ATCAY: variants seen among roughly 807,000 people sequenced by gnomAD.
The protein encoded by ATCAY is caytaxin.
A neutral mutation model predicts 47.7 loss-of-function variants in ATCAY; 22 were observed. That is an observed-to-expected ratio of 0.46 (90% CI 0.33 to 0.66). The LOEUF (loss-of-function observed/expected upper bound fraction) is 0.66, where lower values mean the gene tolerates loss of function less well. ATCAY is among the 30% of genes least tolerant of loss of function. ATCAY has a pLI of 0.02. For synonymous variants in ATCAY, 216 were observed against 207.6 expected, an observed-to-expected ratio of 1.04 and a Z score of -0.35; for missense variants, 452 against 515.0, an observed-to-expected ratio of 0.88 and a Z score of 1.18.
At chr19:3,917,877 C>T in intron 10 of ATCAY, 100 bp downstream of exon 10, 1 of 1,371,810 alleles carries the variant, frequency 7.3e-7, no homozygotes, top group Non-Finnish European at 1.0e-6. Context: ...GCAGCAGGGA[C>T]CATTGTCCTG....
intron 9 of ATCAY, among the ~76,000 whole-genome samples, chr19:3,914,276 T>C (rs2038948159): frequency 7.1e-6 from 1 of 140,524 alleles, no homozygotes; most frequent in African/African-American, 2.7e-5. Context: ...CAATTCCATG[T>C]GGCTGGCAAC....
chr19:3,918,814 C>A lies in ATCAY; in HGVS notation c.1010C>A (p.Pro337His). The change falls in exon 11 of 13, where the codon CCC (proline) becomes CAC (histidine). Residue 337 changes from proline (P) to histidine (H), a missense_variant. Physicochemically the swap from Pro to His is moderately conservative, Grantham distance 77 (BLOSUM62 -2). Coordinates refer to ENST00000450849, the MANE Select transcript of ATCAY (RefSeq NM_033064.5). ...GTTCTCTCTGTCCACAGCGCGAGGCCCCAGCCGGAGTTTGTGCTGCCCAGG... is the reference window on the plus strand; with the variant it reads ...GTTCTCTCTGTCCACAGCGCGAGGCACCAGCCGGAGTTTGTGCTGCCCAGG... Reference protein sequence around the residue: ...RLKARRESARPQPEFVLPRSE... With the variant: ...RLKARRESARHQPEFVLPRSE... The A allele has an allele frequency of 6.2e-7, 1 of 1,613,956 alleles. No individual in the cohort carries two copies. The highest frequency in any genetic ancestry group is 2.2e-5 in the East Asian group (1 of 44,870).
At position 3,907,580 on chromosome 19, in the gene ATCAY, GA is replaced by G. The variant is rs1226810801; in HGVS notation, c.359-150del. Among the ~76,000 whole-genome samples the G allele has an allele frequency of 6.6e-6, 1 of 152,222 alleles. No individual in the cohort carries two copies. The highest frequency in any genetic ancestry group is 2.4e-5 in the African/African-American group (1 of 41,466). ...AGGCCTTGAAAGGGGAGTAGGAGAG[GA>G]AAATGGGTCAGCAGGGCAGCCAGGT... On this transcript the variant is annotated intron_variant, in intron 4 of 12. Coordinates refer to ENST00000450849, the MANE Select transcript of ATCAY (RefSeq NM_033064.5). This position sits in a 1 kb window ranked among gnomAD's most constrained non-coding sequence, Gnocchi z 5.1.
intron 2 of ATCAY, among the ~76,000 whole-genome samples, chr19:3,894,439 G>T (rs1461617650): frequency 6.8e-6 from 1 of 147,058 alleles, no homozygotes; most frequent in African/African-American, 2.5e-5. Context: ...ACCTGAGATC[G>T]CGCCACTGCA....
intron 8 of ATCAY, among the ~76,000 whole-genome samples, chr19:3,913,380 A>C (rs2038938985): frequency 1.3e-5 from 2 of 152,162 alleles, no homozygotes; most frequent in South Asian, 4.1e-4. Flanking sequence ...GTGCGGTGAC[A>C]TGGAGAGAAA....
chr19:3,906,253 A>G (rs2038859996), intron 4 of ATCAY, among the ~76,000 whole-genome samples: 1 of 151,506 alleles, frequency 6.6e-6, no homozygotes, highest in Admixed American at 6.6e-5. Flanking sequence ...CTATTGTTCG[A>G]TAGCAGAATA....
At chr19:3,905,753 G>A in intron 4 of ATCAY, 98 bp downstream of exon 4, 2 of 1,145,364 alleles carry the variant, frequency 1.7e-6, no homozygotes, top group Non-Finnish European at 2.5e-6. Context: ...TCACAAGTGG[G>A]GCAGGGGCTC....
chr19:3,922,049 A>G (rs2039025680), intron 12 of ATCAY: 1 of 660,690 alleles, frequency 1.5e-6, no homozygotes, highest in Non-Finnish European at 2.7e-6. Flanking sequence ...GTGTGGCAAA[A>G]CACACAAAGT....
In ATCAY at chr19:3,924,634, A is replaced by G; in HGVS notation, c.*42A>G. On this transcript the variant is annotated 3_prime_UTR_variant, in exon 13 of 13. Coordinates refer to ENST00000450849, the MANE Select transcript of ATCAY (RefSeq NM_033064.5). ...CAAAGGACATGGAAGAAGATTCCAG[A>G]TGCCAGAAAACCTCTGTCAGACGCC... 1 of 1,612,256 alleles carries G rather than the reference A, an allele frequency of 6.2e-7. No individual in the cohort carries two copies. Among genetic ancestry groups the G allele is most frequent in the South Asian group, 1.1e-5 (1 of 90,866 alleles).
At chr19:3,904,740 A>T (rs2038845445) in intron 3 of ATCAY, among the ~76,000 whole-genome samples, 2 of 152,204 alleles carry the variant, frequency 1.3e-5, no homozygotes, top group Non-Finnish European at 2.9e-5. Flanking sequence ...AGGTGGCCTG[A>T]CATCGTTACA....
At chr19:3,886,845 C>T (rs1470245004) in intron 2 of ATCAY, among the ~76,000 whole-genome samples, 1 of 151,244 alleles carries the variant, frequency 6.6e-6, no homozygotes, top group African/African-American at 2.4e-5. Context: ...CCCCGAGTAG[C>T]TTGGATTACA....
chr19:3,914,995 G>A (rs927021045), intron 9 of ATCAY, among the ~76,000 whole-genome samples: 1 of 139,950 alleles, frequency 7.1e-6, no homozygotes, highest in African/African-American at 2.6e-5. Flanking sequence ...GGGACCCCCC[G>A]GAGCTTGGGG....
Position 3,902,504 on chromosome 19 carries a change from C to A in ATCAY, c.95C>A (p.Thr32Lys). ...GTCCGCAGGCCACTCCCAGAAGAGA[C>A]GGGGGTGGAACTGCTTGGCAGCCCG... ...EDLPRPLPEE[T>K]GVELLGSPVE... Residue 32 changes from threonine to lysine, a missense_variant, in exon 3 of 13, where the codon ACG becomes AAG. Physicochemically the swap from Thr to Lys is moderately conservative, Grantham distance 78. Coordinates refer to ENST00000450849, the MANE Select transcript of ATCAY (RefSeq NM_033064.5). 1 of 1,580,028 alleles carries A rather than the reference C, an allele frequency of 6.3e-7. No homozygotes were observed. The highest frequency in any genetic ancestry group is 1.2e-5 in the South Asian group (1 of 86,084).
intron 2 of ATCAY, among the ~76,000 whole-genome samples, chr19:3,894,274 G>A (rs2038745183): frequency 6.6e-6 from 1 of 151,974 alleles, no homozygotes; most frequent in Non-Finnish European, 1.5e-5. Context: ...CACGAGGTCA[G>A]GAGATCGAGA....
intron 2 of ATCAY, among the ~76,000 whole-genome samples, chr19:3,888,375 G>A (rs1362758750): frequency 1.3e-5 from 2 of 152,072 alleles, no homozygotes; most frequent in South Asian, 2.1e-4. Context: ...CACGTCTGCA[G>A]TCCCAACAGT....
At chr19:3,916,589 G>A (rs1203694018) in intron 9 of ATCAY, among the ~76,000 whole-genome samples, 1 of 152,178 alleles carries the variant, frequency 6.6e-6, no homozygotes, top group African/African-American at 2.4e-5. Context: ...CACCTCCCGG[G>A]TTCAAGCAAC....
intron 2 of ATCAY, 106 bp downstream of exon 2, chr19:3,885,950 C>A: frequency 8.6e-7 from 1 of 1,161,038 alleles, no homozygotes; most frequent in Non-Finnish European, 1.3e-6. Flanking sequence ...CCGCCCGGGG[C>A]TGGCCTGGTT....
intron 2 of ATCAY, among the ~76,000 whole-genome samples, chr19:3,893,080 C>T (rs2038732303): frequency 6.7e-6 from 1 of 148,902 alleles, no homozygotes; most frequent in African/African-American, 2.4e-5. Flanking sequence ...GGCACTGGGA[C>T]TTAAACTTAT....
rs1356130704 is a variant in ATCAY at position 3,909,569 on chromosome 19, T to C, written c.731T>C (p.Met244Thr). 6.2e-7 allele frequency: 1 copy of C among 1,613,170 alleles called. No individual in the cohort carries two copies. Among genetic ancestry groups the C allele is most frequent in the East Asian group, 2.2e-5 (1 of 44,826 alleles). Residue 244 changes from methionine (M) to threonine (T), a missense_variant, in exon 7 of 13, where the codon ATG (methionine) becomes ACG (threonine). By Grantham distance (81) the Met-to-Thr change is moderately conservative (BLOSUM62 -1). Transcript: ENST00000450849. ...YLNGATPRRRMPGIGWLKKCY... is the reference protein window; with the variant it reads ...YLNGATPRRRTPGIGWLKKCY... ...AACGGTGCCACGCCCCGGCGGAGGA[T>C]GCCTGGAATCGGCTGGCTGAAGAAG...
Sources: gnomAD v4.1 joint callset for allele counts (sites outside exome capture counted in the v4.1 genomes callset) on GRCh38, gnomAD v4.1.1 for gene constraint, Gnocchi (gnomAD v3.1) non-coding constraint, MANE v1.5 for transcripts, NCBI Gene and HGNC (gene_info 2026-07-23, HGNC 2026-07-21) for gene names.